The following CNTN4 variants were observed in gnomAD, a reference collection of about 807,000 sequenced individuals.
CNTN4 encodes the protein contactin 4.
A neutral mutation model predicts 122.5 loss-of-function variants in CNTN4; 77 were observed. That is an observed-to-expected ratio of 0.63 (90% CI 0.52 to 0.76). The LOEUF (loss-of-function observed/expected upper bound fraction) is 0.76. CNTN4 is among the 30% of genes least tolerant of loss of function. The probability of loss-of-function intolerance (pLI) is 0.00; values close to 1 mark genes in which losing one functional copy is unlikely to be tolerated. For missense variants in CNTN4, 1,256 were observed against 1,259.1 expected (o/e 1.00, Z 0.04); for synonymous variants, 512 against 447.0 (o/e 1.15, Z -1.83).
intron 3 of CNTN4, among the ~76,000 whole-genome samples, chr3:2,565,929 A>G (rs2079139365): frequency 6.6e-6 from 1 of 152,230 alleles, no homozygotes; most frequent in Non-Finnish European, 1.5e-5. Flanking sequence ...CACTCTAAAT[A>G]ATAACTAGCA....
chr3:2,680,123 T>C (rs528256098), intron 4 of CNTN4, among the ~76,000 whole-genome samples: 215 of 152,328 alleles, frequency 1.4e-3, no homozygotes, highest in Non-Finnish European at 2.4e-3. Context: ...CCTTCAGCAA[T>C]TTATAATACA....
At chr3:2,975,722 G>C (rs1458421425) in intron 13 of CNTN4, among the ~76,000 whole-genome samples, 1 of 151,848 alleles carries the variant, frequency 6.6e-6, no homozygotes, top group Non-Finnish European at 1.5e-5. Context: ...TTCTGATTTT[G>C]TTATATAAAG....
At chr3:2,632,090 GTGTATGTA>G (rs748756943) in intron 4 of CNTN4, among the ~76,000 whole-genome samples, 1 of 147,350 alleles carries the variant, frequency 6.8e-6, no homozygotes, top group African/African-American at 2.5e-5. Flanking sequence ...ACACACGTGT[GTGTATGTA>G]TGTATGTATA....
At chr3:2,935,952 C>T (rs549926368) in intron 13 of CNTN4, among the ~76,000 whole-genome samples, 10 of 152,072 alleles carry the variant, frequency 6.6e-5, no homozygotes, top group East Asian at 5.8e-4. Context: ...CAAGGAGCAG[C>T]GGGAAAGAAA....
intron 3 of CNTN4, among the ~76,000 whole-genome samples, chr3:2,492,408 T>G (rs1167355152): frequency 1.3e-5 from 2 of 152,106 alleles, no homozygotes; most frequent in Non-Finnish European, 2.9e-5. Flanking sequence ...ACATTGGAAC[T>G]GAGATGTCAT....
chr3:2,641,679 G>A (rs1301515071), intron 4 of CNTN4, among the ~76,000 whole-genome samples: 1 of 152,046 alleles, frequency 6.6e-6, no homozygotes, highest in Non-Finnish European at 1.5e-5. Flanking sequence ...CCCCCAAACT[G>A]TGGCAAAGCT....
At chr3:2,759,725 A>G (rs1291982834) in intron 6 of CNTN4, among the ~76,000 whole-genome samples, 1 of 151,840 alleles carries the variant, frequency 6.6e-6, no homozygotes, top group African/African-American at 2.4e-5. Context: ...AAAAAAAAAA[A>G]AGTATGTTTA....
intron 2 of CNTN4, among the ~76,000 whole-genome samples, chr3:2,319,912 C>A (rs1303581499): frequency 6.6e-6 from 1 of 152,072 alleles, no homozygotes; most frequent in Admixed American, 6.5e-5. Context: ...ACATGTATAG[C>A]CTTTAACAAT....
At chr3:2,401,850 G>A (rs990172863) in intron 3 of CNTN4, among the ~76,000 whole-genome samples, 7 of 152,170 alleles carry the variant, frequency 4.6e-5, no homozygotes, top group Non-Finnish European at 7.4e-5. Flanking sequence ...AACTTTAACC[G>A]AAAGCTCAAG....
At chr3:2,230,831 A>G (rs1319537796) in intron 2 of CNTN4, among the ~76,000 whole-genome samples, 1 of 151,930 alleles carries the variant, frequency 6.6e-6, no homozygotes, top group Non-Finnish European at 1.5e-5. Context: ...ATAAAAAAAT[A>G]CCAAAATTGG....
At chr3:2,910,268 T>G (rs765902748) in intron 12 of CNTN4, among the ~76,000 whole-genome samples, 1 of 152,220 alleles carries the variant, frequency 6.6e-6, no homozygotes, top group Non-Finnish European at 1.5e-5. Flanking sequence ...AGAAATGCAG[T>G]GAGTCAGAGT....
chr3:2,173,179 A>G (rs117903398), intron 2 of CNTN4, among the ~76,000 whole-genome samples: 5 of 152,216 alleles, frequency 3.3e-5, no homozygotes, highest in African/African-American at 4.8e-5. Flanking sequence ...ATCAAATATG[A>G]TTTTGATGGG....
At chr3:2,218,738 G>C (rs2038949416) in intron 2 of CNTN4, among the ~76,000 whole-genome samples, 1 of 152,140 alleles carries the variant, frequency 6.6e-6, no homozygotes, top group South Asian at 2.1e-4. Context: ...ATACAGCAAA[G>C]AAGGATTGAT....
At chr3:2,818,000 C>T (rs1039277531) in intron 6 of CNTN4, among the ~76,000 whole-genome samples, 3 of 152,142 alleles carry the variant, frequency 2.0e-5, no homozygotes, top group African/African-American at 7.2e-5. Context: ...AATCATAGCA[C>T]TGATTTGTTT....
At chr3:2,828,951 T>G (rs2093043548) in intron 7 of CNTN4, among the ~76,000 whole-genome samples, 1 of 151,980 alleles carries the variant, frequency 6.6e-6, no homozygotes, top group South Asian at 2.1e-4. Context: ...GTTACCCAAG[T>G]TGGTCTCAAA....
rs543737053 is a variant in CNTN4, at chr3:2,150,367, G to A, written c.-145+49728G>A. On this transcript the variant is annotated intron_variant, in intron 2 of 24. Transcript: ENST00000418658. Reference sequence around the variant, plus strand: ...ATCCTAAAGCAACTTATTTCTTAACGTAGACTTCTGCACATTCTTGGAAAA... The same window carrying A: ...ATCCTAAAGCAACTTATTTCTTAACATAGACTTCTGCACATTCTTGGAAAA... Among the ~76,000 whole-genome samples the A allele has an allele frequency of 3.9e-5, 6 of 152,214 alleles. No individual in the cohort carries two copies. In the South Asian group the frequency reaches 1.2e-3, roughly 32 times the overall value.
At chr3:2,440,791 C>T (rs1235613810) in intron 3 of CNTN4, among the ~76,000 whole-genome samples, 1 of 147,490 alleles carries the variant, frequency 6.8e-6, no homozygotes. Context: ...CATATATATT[C>T]ATACATATAT....
intron 6 of CNTN4, among the ~76,000 whole-genome samples, chr3:2,786,079 A>T (rs2091812372): frequency 6.6e-6 from 1 of 151,852 alleles, no homozygotes; most frequent in Admixed American, 6.6e-5. Context: ...TGTCAGCCGA[A>T]CTCCAGGGGA....
At chr3:3,014,291 T>C (rs763502380) in intron 14 of CNTN4, among the ~76,000 whole-genome samples, 11 of 152,224 alleles carry the variant, frequency 7.2e-5, no homozygotes, top group Non-Finnish European at 1.5e-4. Flanking sequence ...AGTGCTTCAC[T>C]TATCACTGTG....
Sources: allele counts gnomAD v4.1 joint callset (sites outside exome capture counted in the v4.1 genomes callset), GRCh38; gene constraint gnomAD v4.1.1; transcripts MANE v1.5; gene names NCBI Gene and HGNC (gene_info 2026-07-23, HGNC 2026-07-21).